Variants in KALRN observed in about 807,000 individuals in gnomAD.
KALRN encodes the protein kalirin RhoGEF kinase.
Under a neutral mutation model 353.7 loss-of-function variants are expected in KALRN, and 70 were observed. The observed-to-expected ratio is 0.20, with a 90% CI of 0.16 to 0.24. KALRN has a LOEUF of 0.24. Ranked by LOEUF, KALRN falls within the 10% of genes least tolerant of loss-of-function variation. KALRN has a pLI of 1.00. For missense variants in KALRN, 2,791 were observed against 3,756.7 expected (o/e 0.74, Z 6.72); for synonymous variants, 1,391 against 1,434.8 (o/e 0.97, Z 0.69).
chr3:124,057,228 C>T lies in KALRN; in HGVS notation c.73+23415C>T, dbSNP rs144958698. Among the ~76,000 whole-genome samples the T allele has an allele frequency of 3.0e-3, 456 of 152,206 alleles. 1 individual carries two copies. Among genetic ancestry groups the T allele is most frequent in the African/African-American group, 0.01 (430 of 41,530 alleles). ...TTTTTCTTAGTGCCTCCCACCATACCGCCCCCACTTTTGCCACTCTGTCTT... is the reference window on the plus strand; with the variant it reads ...TTTTTCTTAGTGCCTCCCACCATACTGCCCCCACTTTTGCCACTCTGTCTT... On this transcript the variant is annotated intron_variant, in intron 1 of 59. Coordinates refer to ENST00000682506, the MANE Select transcript of KALRN (RefSeq NM_001388419.1).
At chr3:124,415,278 G>A (rs936887324) in intron 14 of KALRN, among the ~76,000 whole-genome samples, 1 of 152,208 alleles carries the variant, frequency 6.6e-6, no homozygotes, top group Admixed American at 6.5e-5. Flanking sequence ...AATGGAACTT[G>A]GGCAACAGCA....
At chr3:124,603,058 A>G (rs1320604190) in intron 34 of KALRN, among the ~76,000 whole-genome samples, 1 of 152,198 alleles carries the variant, frequency 6.6e-6, no homozygotes, top group Non-Finnish European at 1.5e-5. Flanking sequence ...CACTTCCAGA[A>G]GCAGCCTTTT....
chr3:124,160,306 T>A (rs1214136849), intron 1 of KALRN, among the ~76,000 whole-genome samples: 1 of 151,914 alleles, frequency 6.6e-6, no homozygotes, highest in African/African-American at 2.4e-5. Flanking sequence ...GGCCAAGCCA[T>A]CCCTGCAATG....
intron 1 of KALRN, among the ~76,000 whole-genome samples, chr3:124,192,522 T>C (rs935967019): frequency 1.3e-5 from 2 of 152,148 alleles, no homozygotes; most frequent in Non-Finnish European, 2.9e-5. Flanking sequence ...AAATAAAGAA[T>C]ATAATTGAAT....
intron 1 of KALRN, among the ~76,000 whole-genome samples, chr3:124,201,193 G>C (rs1560215079): frequency 6.6e-6 from 1 of 152,236 alleles, no homozygotes; most frequent in African/African-American, 2.4e-5. Context: ...GGCAGCTCTG[G>C]AATGCCAGGT....
chr3:124,411,593 C>T (rs551531606), intron 13 of KALRN, among the ~76,000 whole-genome samples: 2 of 151,730 alleles, frequency 1.3e-5, no homozygotes, highest in East Asian at 3.9e-4. Flanking sequence ...AGGTGCATGC[C>T]ACCATGCCTA....
intron 6 of KALRN, among the ~76,000 whole-genome samples, chr3:124,321,911 A>G (rs2079380836): frequency 6.6e-6 from 1 of 152,256 alleles, no homozygotes; most frequent in Non-Finnish European, 1.5e-5. Context: ...TAATAATTTA[A>G]TAACAACAGA....
intron 6 of KALRN, among the ~76,000 whole-genome samples, chr3:124,325,051 C>T (rs548859010): frequency 7.2e-5 from 11 of 152,208 alleles, no homozygotes; most frequent in Non-Finnish European, 1.3e-4. Context: ...TAGCCATAAT[C>T]ACTACTGTCT....
At chr3:124,168,538 G>T (rs1425989610) in intron 1 of KALRN, among the ~76,000 whole-genome samples, 4 of 152,182 alleles carry the variant, frequency 2.6e-5, no homozygotes, top group Non-Finnish European at 5.9e-5. Context: ...GGAGGGCCTG[G>T]ATCAGTGGCT....
At chr3:124,087,763 T>C (rs1577928997) in intron 1 of KALRN, among the ~76,000 whole-genome samples, 1 of 152,310 alleles carries the variant, frequency 6.6e-6, no homozygotes, top group Non-Finnish European at 1.5e-5. Flanking sequence ...CCAGCATCTG[T>C]AGTTCTCTTC....
rs2063754248 is a variant in KALRN, at chr3:124,495,990, T to TAC, written c.4833-320_4833-319insCA. Among the ~76,000 whole-genome samples the TAC allele has an allele frequency of 2.4e-4, 14 of 58,532 alleles. 1 individual carries two copies. The highest frequency in any genetic ancestry group is 1.1e-3 in the African/African-American group (13 of 11,594). 38.4% of individuals were successfully genotyped at this position (58,532 alleles called of 152,430 possible). A position where few individuals can be genotyped will look rare whatever the true frequency, so the allele number is the denominator to read the frequency against. Reference sequence around the variant, plus strand: ...GTATATATATATATATATATATATATATATATATATATATATATATATACA... The same window carrying TAC: ...GTATATATATATATATATATATATATACATATATATATATATATATATATACA... On this transcript the variant is annotated intron_variant, in intron 32 of 59. Coordinates refer to ENST00000682506, the MANE Select transcript of KALRN (RefSeq NM_001388419.1).
chr3:124,132,098 T>C (rs1262383425), intron 1 of KALRN, among the ~76,000 whole-genome samples: 5 of 152,218 alleles, frequency 3.3e-5, no homozygotes, highest in African/African-American at 1.2e-4. Flanking sequence ...CCAAGAATCA[T>C]GTTGTCTCCT....
chr3:124,642,508 C>T (rs1047516692), intron 37 of KALRN, among the ~76,000 whole-genome samples: 3 of 152,108 alleles, frequency 2.0e-5, no homozygotes, highest in African/African-American at 7.2e-5. Context: ...ATGTGCCCTA[C>T]CTGCTTCAGC....
chr3:124,538,830 AG>A (rs2068754572), intron 33 of KALRN, among the ~76,000 whole-genome samples: 1 of 152,224 alleles, frequency 6.6e-6, no homozygotes, highest in Non-Finnish European at 1.5e-5. Context: ...GCACTAAGTT[AG>A]AACTTAAGAA....
At chr3:124,035,836 T>C (rs1340872798) in intron 1 of KALRN, among the ~76,000 whole-genome samples, 2 of 152,224 alleles carry the variant, frequency 1.3e-5, no homozygotes, top group Non-Finnish European at 2.9e-5. Flanking sequence ...GGCAGCCCAG[T>C]GGCTGAGCTA....
chr3:124,336,927 T>G (rs886959585), intron 9 of KALRN, among the ~76,000 whole-genome samples: 2 of 152,174 alleles, frequency 1.3e-5, no homozygotes, highest in African/African-American at 4.8e-5. Flanking sequence ...CACTCATGAT[T>G]TGGCTCTCTA....
intron 6 of KALRN, 90 bp from the exon 7 acceptor site, chr3:124,325,890 C>A: frequency 1.9e-6 from 2 of 1,080,336 alleles, no homozygotes; most frequent in Admixed American, 2.1e-5. Context: ...TTGTTTTGGG[C>A]AGCTCCCTTC....
intron 1 of KALRN, among the ~76,000 whole-genome samples, chr3:124,224,258 A>G (rs1284564959): frequency 6.8e-6 from 1 of 146,230 alleles, no homozygotes; most frequent in Non-Finnish European, 1.5e-5. Context: ...AAACAGGTCT[A>G]TGATTGGTCT....
At chr3:124,108,297 C>G (rs1019590058) in intron 1 of KALRN, among the ~76,000 whole-genome samples, 1 of 152,156 alleles carries the variant, frequency 6.6e-6, no homozygotes, top group Non-Finnish European at 1.5e-5. Flanking sequence ...TCTCACTACT[C>G]CAGCCACCAA....
Sources: allele counts gnomAD v4.1 joint callset (sites outside exome capture counted in the v4.1 genomes callset), GRCh38; gene constraint gnomAD v4.1.1; transcripts MANE v1.5; gene names NCBI Gene and HGNC (gene_info 2026-07-23, HGNC 2026-07-21).